ALKBH8: variants seen among roughly 807,000 people sequenced by gnomAD.
ALKBH8 encodes tRNA (carboxymethyluridine(34)-5-O)-methyltransferase ALKBH8.
In ALKBH8, 36 loss-of-function variants were observed where a neutral mutation model predicts 59.8. The observed-to-expected ratio is 0.60, with a 90% CI of 0.46 to 0.79. The LOEUF is 0.79. Ranked by LOEUF, ALKBH8 falls within the 30% of genes least tolerant of loss-of-function variation. The probability of loss-of-function intolerance (pLI) is 0.00; values close to 1 mark genes in which losing one functional copy is unlikely to be tolerated. For synonymous variants in ALKBH8, 276 were observed against 273.6 expected, an observed-to-expected ratio of 1.01 and a Z score of -0.09; for missense variants, 768 against 801.0, an observed-to-expected ratio of 0.96 and a Z score of 0.50.
intron 10 of ALKBH8, among the ~76,000 whole-genome samples, chr11:107,521,748 C>A (rs1418537342): frequency 2.0e-5 from 3 of 152,064 alleles, no homozygotes; most frequent in Admixed American, 6.5e-5. Flanking sequence ...AGCACTGTAA[C>A]CTTGGTCAAG....
chr11:107,550,293 C>T (rs1270079099), intron 6 of ALKBH8, among the ~76,000 whole-genome samples: 3 of 152,214 alleles, frequency 2.0e-5, no homozygotes, highest in African/African-American at 7.2e-5. Flanking sequence ...AGAAATGTTG[C>T]TACACGGTGA....
At chr11:107,547,515 T>C (rs1017165611) in intron 7 of ALKBH8, among the ~76,000 whole-genome samples, 10 of 152,186 alleles carry the variant, frequency 6.6e-5, no homozygotes, top group Non-Finnish European at 1.2e-4. Context: ...TCACATACAT[T>C]ACCTCATTTT....
At position 107,525,442 on chromosome 11, in the gene ALKBH8, A is replaced by G; in HGVS notation, c.1029T>C (p.Cys343=). The change falls in exon 9 of 12, where the codon TGT becomes TGC. Residue 343 remains cysteine, a splice_region_variant and synonymous_variant. Transcript: ENST00000428149. ...FRKVRQTPCN[C]SYPLVCDSQR... is the part of the protein sequence containing the mutation. ...GACGAGATAAGAGTATATACTTACTACAGTTACAAGGTGTTTGCCTCACTT... is the reference window on the plus strand; with the variant it reads ...GACGAGATAAGAGTATATACTTACTGCAGTTACAAGGTGTTTGCCTCACTT... 6.5e-7 allele frequency: 1 copy of G among 1,544,292 alleles called. No homozygotes were observed. The highest frequency in any genetic ancestry group is 8.7e-7 in the Non-Finnish European group (1 of 1,143,860).
At chr11:107,522,801 CT>C (rs1863175665) in intron 9 of ALKBH8, among the ~76,000 whole-genome samples, 1 of 151,046 alleles carries the variant, frequency 6.6e-6, no homozygotes, top group African/African-American at 2.4e-5. Context: ...GCAAGACGGT[CT>C]TTAAAAAAAG....
intron 7 of ALKBH8, 138 bp from the exon 8 acceptor site, chr11:107,532,544 C>T (rs1413577313): frequency 3.1e-6 from 2 of 638,952 alleles, no homozygotes; most frequent in Non-Finnish European, 5.4e-6. Flanking sequence ...AAGCATAGCA[C>T]AGTGGTTCTC....
At chr11:107,539,653 C>T (rs1047037257) in intron 7 of ALKBH8, among the ~76,000 whole-genome samples, 2 of 139,648 alleles carry the variant, frequency 1.4e-5, no homozygotes, top group Non-Finnish European at 3.2e-5. Flanking sequence ...TTTCCCTTCC[C>T]TGATTCCTAC....
chr11:107,506,339 A>C (rs1356281708), intron 11 of ALKBH8, among the ~76,000 whole-genome samples: 3 of 152,136 alleles, frequency 2.0e-5, no homozygotes, highest in Admixed American at 6.6e-5. Flanking sequence ...CTTTTAACAT[A>C]AAATGCCCAG....
At chr11:107,532,562 A>G (rs1863641572) in intron 7 of ALKBH8, among the ~76,000 whole-genome samples, 156 bp from the exon 8 acceptor site, 1 of 152,246 alleles carries the variant, frequency 6.6e-6, no homozygotes, top group South Asian at 2.1e-4. Context: ...CTCAAACTTT[A>G]CTGTACATGA....
intron 7 of ALKBH8, among the ~76,000 whole-genome samples, chr11:107,544,658 C>G (rs1176619163): frequency 6.6e-6 from 1 of 151,986 alleles, no homozygotes; most frequent in Non-Finnish European, 1.5e-5. Flanking sequence ...ATGTTAGAGA[C>G]CCACAGGATA....
At chr11:107,512,540 T>C (rs757158147) in intron 10 of ALKBH8, among the ~76,000 whole-genome samples, 5 of 152,048 alleles carry the variant, frequency 3.3e-5, no homozygotes, top group Non-Finnish European at 5.9e-5. Flanking sequence ...CTCAAACTCC[T>C]GGGCTCAAGT....
At position 107,504,451 on chromosome 11, in the gene ALKBH8, T is replaced by C. The variant is rs1253516236; in HGVS notation, c.*207A>G. On this transcript the variant is annotated 3_prime_UTR_variant, in exon 12 of 12. Transcript: ENST00000428149. ...TTAGAAACCACCTCTCCTAGGGAAG[T>C]AGGAGGAGCCAACACCACATCTGTG... 5.8e-6 allele frequency: 4 copies of C among 686,410 alleles called. No homozygotes were observed. Among genetic ancestry groups the C allele is most frequent in the African/African-American group, 5.4e-5 (3 of 55,370 alleles). The allele number at this position is 686,410 out of a possible 1,614,324, so 42.5% of individuals were successfully genotyped here. A position where few individuals can be genotyped will look rare whatever the true frequency, so the allele number is the denominator to read the frequency against.
Position 107,556,918 on chromosome 11 carries a change from T to C in ALKBH8, c.215A>G (p.Asp72Gly), listed in dbSNP as rs566527389. 6.8e-5 allele frequency: 110 copies of C among 1,612,796 alleles called. No individual in the cohort carries two copies. The highest frequency in any genetic ancestry group is 8.4e-5 in the Admixed American group (5 of 59,850). The change falls in exon 3 of 12, where the codon GAT (aspartate) becomes GGT (glycine). Residue 72 changes from aspartate (D) to glycine (G), a missense_variant. Transcript: ENST00000428149. The part of the protein sequence containing the change: ...LPVLEKCGLV[D>G]ALLMPPNKPY... ...CTTGTTAGGTGGCATTAAGAGAGCA[T>C]CCACCAGTCCACATTTCTCTAAAAC...
chr11:107,518,851 G>C (rs183896917), intron 10 of ALKBH8, among the ~76,000 whole-genome samples: 277 of 152,232 alleles, frequency 1.8e-3, no homozygotes, highest in African/African-American at 6.4e-3. Flanking sequence ...TGAGACCCCT[G>C]ATTTCCCACT....
chr11:107,508,278 T>C (rs1007489771), intron 11 of ALKBH8, among the ~76,000 whole-genome samples: 1 of 151,706 alleles, frequency 6.6e-6, no homozygotes, highest in Non-Finnish European at 1.5e-5. Context: ...GTTCATGTGA[T>C]TCTCATGTCT....
chr11:107,556,726 C>A, intron 3 of ALKBH8, 40 bp downstream of exon 3: 1 of 1,293,540 alleles, frequency 7.7e-7, no homozygotes, highest in Non-Finnish European at 1.0e-6. Context: ...AGAAAACACC[C>A]AGAAGAATCA....
At chr11:107,552,277 TA>T (rs1007316826) in intron 5 of ALKBH8, among the ~76,000 whole-genome samples, 11 of 151,498 alleles carry the variant, frequency 7.3e-5, no homozygotes, top group African/African-American at 2.4e-5. Context: ...TTATTTCCCT[TA>T]AAAAAAACAC....
chr11:107,525,515 T>A lies in ALKBH8; in HGVS notation c.956A>T (p.Asp319Val). Reference protein sequence around the residue: ...KSGIITSDVGDLTLSKRGLRT... With the variant: ...KSGIITSDVGVLTLSKRGLRT... The stretch of plus-strand genomic sequence containing the variant: ...TAGTCCCCTCTTGCTTAAAGTTAAG[T>A]CTCCAACATCACTGGTGATAATTCC... Residue 319 changes from aspartate to valine, a missense_variant, in exon 9 of 12, where the codon GAC becomes GTC. Asp to Val is a radical substitution (Grantham distance 152). Coordinates refer to ENST00000428149, the MANE Select transcript of ALKBH8 (RefSeq NM_138775.3). The A allele has an allele frequency of 6.5e-7, 1 of 1,540,086 alleles. No homozygotes were observed. The highest frequency in any genetic ancestry group is 8.8e-7 in the Non-Finnish European group (1 of 1,142,244).
Position 107,525,529 on chromosome 11 carries a change from G to A in ALKBH8, c.942C>T (p.Thr314=), listed in dbSNP as rs1311468154. 6.5e-7 allele frequency: 1 copy of A among 1,533,522 alleles called. No homozygotes were observed. Among genetic ancestry groups the A allele is most frequent in the Non-Finnish European group, 8.8e-7 (1 of 1,139,860 alleles). The allele number at this position is 1,533,522 out of a possible 1,614,324, so 95.0% of individuals were successfully genotyped here. The change falls in exon 9 of 12, where the codon ACC becomes ACT. Residue 314 remains threonine (T), a synonymous_variant. Transcript: ENST00000428149. ...TTAAAGTTAAGTCTCCAACATCACT[G>A]GTGATAATTCCACTTTTAAGACTCT... The part of the protein sequence containing the change: ...ASESLKSGII[T]SDVGDLTLSK...
rs898561136 is a variant in ALKBH8, at chr11:107,503,372, T to G, written c.*1286A>C. On this transcript the variant is annotated 3_prime_UTR_variant, in exon 12 of 12. Transcript: ENST00000428149. ...GAAAACTTGATGCTTCAAGATTAAGTATCACTAGCATTAATAACAGTAAAC... is the reference window on the plus strand; with the variant it reads ...GAAAACTTGATGCTTCAAGATTAAGGATCACTAGCATTAATAACAGTAAAC... The G allele has an allele frequency of 6.6e-6, 1 of 152,204 alleles. No homozygotes were observed. The highest frequency in any genetic ancestry group is 1.5e-5 in the Non-Finnish European group (1 of 68,026). The allele number at this position is 152,204 out of a possible 1,614,324, so 9.4% of individuals were successfully genotyped here. A position where few individuals can be genotyped will look rare whatever the true frequency, so the allele number is the denominator to read the frequency against.
Sources: gnomAD v4.1 joint callset for allele counts (sites outside exome capture counted in the v4.1 genomes callset) on GRCh38, gnomAD v4.1.1 for gene constraint, MANE v1.5 for transcripts, NCBI Gene and HGNC (gene_info 2026-07-23, HGNC 2026-07-21) for gene names.